The following SLIT3 variants were observed in gnomAD, a reference collection of about 807,000 sequenced individuals.
SLIT3 encodes the protein slit guidance ligand 3.
In SLIT3, 68 loss-of-function variants were observed where a neutral mutation model predicts 184.0. That is an observed-to-expected ratio of 0.37 (90% CI 0.30 to 0.45). SLIT3 has a LOEUF of 0.45. Ranked by LOEUF, SLIT3 falls within the 20% of genes least tolerant of loss-of-function variation. The pLI, the probability that SLIT3 is intolerant of heterozygous loss-of-function variation, is 1.00. For synonymous variants in SLIT3, 831 were observed against 828.6 expected, an observed-to-expected ratio of 1.00 and a Z score of -0.05; for missense variants, 1,707 against 2,026.0, an observed-to-expected ratio of 0.84 and a Z score of 3.02.
intron 4 of SLIT3, among the ~76,000 whole-genome samples, chr5:169,091,434 C>T (rs934757474): frequency 7.2e-5 from 11 of 152,108 alleles, no homozygotes; most frequent in Admixed American, 6.6e-5. Flanking sequence ...CTCTTCCATC[C>T]TGCTTTTCTC....
intron 31 of SLIT3, 37 bp from the exon 32 acceptor site, chr5:168,684,133 A>G: frequency 1.3e-6 from 2 of 1,526,994 alleles, no homozygotes; most frequent in East Asian, 2.4e-5. Flanking sequence ...GTAAGGGCTT[A>G]CCTGAGACTG....
chr5:169,079,868 A>AGGGAGGAGGAGGAGGGAGGGAGGAGGAGG (rs1758944939), intron 4 of SLIT3, among the ~76,000 whole-genome samples: 1 of 17,480 alleles, frequency 5.7e-5, no homozygotes, highest in African/African-American at 2.7e-4. Context: ...GGAGGAGGAA[A>AGGGAGGAGGAGGAGGGAGGGAGGAGGAGG]GGTGGAGGAG....
chr5:168,987,976 C>T (rs1755192731), intron 4 of SLIT3, among the ~76,000 whole-genome samples: 1 of 152,202 alleles, frequency 6.6e-6, no homozygotes, highest in Non-Finnish European at 1.5e-5. Context: ...GTCAACTGCA[C>T]ATTAAGGTGT....
intron 4 of SLIT3, among the ~76,000 whole-genome samples, chr5:169,095,362 G>A (rs1250744623): frequency 6.6e-6 from 1 of 152,120 alleles, no homozygotes; most frequent in African/African-American, 2.4e-5. Flanking sequence ...TTAGAAGCAG[G>A]CATTTTCACC....
At chr5:168,799,765 T>C (rs1372432254) in intron 9 of SLIT3, among the ~76,000 whole-genome samples, 3 of 152,214 alleles carry the variant, frequency 2.0e-5, no homozygotes, top group African/African-American at 7.2e-5. Flanking sequence ...ACTGTCTTCC[T>C]TGCACACTGG....
intron 4 of SLIT3, among the ~76,000 whole-genome samples, chr5:168,947,764 G>T (rs1016806729): frequency 6.6e-6 from 1 of 152,124 alleles, no homozygotes; most frequent in Admixed American, 6.5e-5. Flanking sequence ...GAGCCTGAAA[G>T]GTAGTTTTTT....
At position 168,842,473 on chromosome 5, in the gene SLIT3, T is replaced by TTTTTTTG. The variant is rs1403174905; in HGVS notation, c.557+2110_557+2111insCAAAAAA. Among the ~76,000 whole-genome samples the TTTTTTTG allele has an allele frequency of 2.2e-4, 28 of 125,088 alleles. 1 individual carries two copies. Among genetic ancestry groups the TTTTTTTG allele is most frequent in the Admixed American group, 3.3e-4 (4 of 12,264 alleles). 82.1% of individuals were successfully genotyped at this position (125,088 alleles called of 152,430 possible). A position where few individuals can be genotyped will look rare whatever the true frequency, so the allele number is the denominator to read the frequency against. The stretch of plus-strand genomic sequence containing the variant: ...GCATCTGGATACCGTTTTTTCGTTT[T>TTTTTTTG]TTTTTTTTTTTTTTGTATCTGAGTA... On this transcript the variant is annotated intron_variant, in intron 6 of 35. Transcript: ENST00000519560.
At chr5:168,862,114 T>C (rs1581156020) in intron 5 of SLIT3, among the ~76,000 whole-genome samples, 1 of 152,014 alleles carries the variant, frequency 6.6e-6, no homozygotes, top group Non-Finnish European at 1.5e-5. Flanking sequence ...CTGGAAACCA[T>C]GTTTAAGGCT....
intron 3 of SLIT3, among the ~76,000 whole-genome samples, chr5:169,226,878 C>T (rs140613909): frequency 0.015 from 2,338 of 152,144 alleles, 27 homozygotes; most frequent in Admixed American, 0.025. Flanking sequence ...ACACTGGAGG[C>T]GGGTATTTTA....
intron 5 of SLIT3, among the ~76,000 whole-genome samples, chr5:168,865,252 G>A (rs1304857922): frequency 1.3e-5 from 2 of 149,818 alleles, no homozygotes. Context: ...TGAGGGAAAT[G>A]AAAACTTGCA....
intron 4 of SLIT3, among the ~76,000 whole-genome samples, chr5:169,178,330 C>A (rs1009353217): frequency 2.0e-5 from 3 of 152,182 alleles, no homozygotes; most frequent in African/African-American, 7.2e-5. Context: ...GTTTGTGAGT[C>A]CCCTACTGCT....
At chr5:168,727,211 T>C (rs1763158905) in intron 20 of SLIT3, among the ~76,000 whole-genome samples, 1 of 151,868 alleles carries the variant, frequency 6.6e-6, no homozygotes, top group Non-Finnish European at 1.5e-5. Context: ...TCCCAGCTAC[T>C]AGGGAGGCTG....
rs761104663 is a variant in SLIT3 at position 168,785,859 on chromosome 5, C to T, written c.1151+48G>A. The stretch of plus-strand genomic sequence containing the variant: ...ATGGCTCAACGTTTTCAGGTGGGAG[C>T]CTTCCGACAGTACCAAAGACACCAA... On this transcript the variant is annotated intron_variant, in intron 12 of 35. Transcript: ENST00000519560. 4.4e-6 allele frequency: 6 copies of T among 1,367,760 alleles called. No homozygotes were observed. The African/African-American group carries it at 8.6e-5, about 20-fold the overall frequency. The allele number at this position is 1,367,760 out of a possible 1,614,324, so 84.7% of individuals were successfully genotyped here.
At chr5:168,841,676 C>T (rs116037767) in intron 6 of SLIT3, among the ~76,000 whole-genome samples, 1,608 of 152,248 alleles carry the variant, frequency 0.011, 14 homozygotes, top group South Asian at 0.045. Flanking sequence ...CCATTGTCAG[C>T]CTCGATGGAA....
intron 4 of SLIT3, among the ~76,000 whole-genome samples, chr5:169,098,126 T>G (rs191321883): frequency 1.4e-5 from 2 of 144,754 alleles, no homozygotes; most frequent in Non-Finnish European, 3.0e-5. Flanking sequence ...CCCGGCTTGA[T>G]TTTTTTTGGA....
At chr5:168,893,564 G>A (rs903380351) in intron 4 of SLIT3, among the ~76,000 whole-genome samples, 3 of 152,168 alleles carry the variant, frequency 2.0e-5, no homozygotes, top group Non-Finnish European at 4.4e-5. Flanking sequence ...CCTTTGGCCC[G>A]AAAGCTGGAG....
At chr5:169,250,026 C>T (rs1765719423) in intron 2 of SLIT3, among the ~76,000 whole-genome samples, 1 of 152,214 alleles carries the variant, frequency 6.6e-6, no homozygotes, top group Non-Finnish European at 1.5e-5. Context: ...CTATCATTGT[C>T]TTAGTTTTCT....
intron 20 of SLIT3, among the ~76,000 whole-genome samples, chr5:168,735,641 C>T (rs1158889936): frequency 6.7e-6 from 1 of 148,896 alleles, no homozygotes; most frequent in Non-Finnish European, 1.5e-5. Context: ...TATACATACA[C>T]ATACATATAG....
At chr5:169,070,009 A>G (rs1186018670) in intron 4 of SLIT3, among the ~76,000 whole-genome samples, 2 of 152,196 alleles carry the variant, frequency 1.3e-5, no homozygotes, top group Non-Finnish European at 2.9e-5. Context: ...GGACAGCTGT[A>G]ATAGCCCATG....
Sources: gnomAD v4.1 joint callset for allele counts (sites outside exome capture counted in the v4.1 genomes callset) on GRCh38, gnomAD v4.1.1 for gene constraint, MANE v1.5 for transcripts, NCBI Gene and HGNC (gene_info 2026-07-23, HGNC 2026-07-21) for gene names.